HIVEP3: variants seen among roughly 807,000 people sequenced by gnomAD.
HIVEP3 encodes the protein HIVEP zinc finger 3.
HIVEP3 carries 49 observed loss-of-function variants against 152.8 expected under a neutral mutation model. The observed-to-expected ratio is 0.32, with a 90% CI of 0.26 to 0.41. The LOEUF (loss-of-function observed/expected upper bound fraction) is 0.41, where lower values mean the gene tolerates loss of function less well. Among genes scored for constraint, HIVEP3 ranks in the 10% least tolerant of loss-of-function variants. The pLI is 1.00. For missense variants in HIVEP3, 2,790 were observed against 3,103.3 expected, an observed-to-expected ratio of 0.90 and a Z score of 2.40; for synonymous variants, 1,269 against 1,289.0, an observed-to-expected ratio of 0.98 and a Z score of 0.33.
chr1:41,816,826 T>A (rs1018265291), intron 1 of HIVEP3, among the ~76,000 whole-genome samples: 1 of 152,230 alleles, frequency 6.6e-6, no homozygotes, highest in African/African-American at 2.4e-5. Context: ...AACACACCAC[T>A]TGCTTCATCT....
intron 1 of HIVEP3, among the ~76,000 whole-genome samples, chr1:41,897,114 T>C (rs962441132): frequency 2.6e-5 from 4 of 151,378 alleles, no homozygotes; most frequent in African/African-American, 9.7e-5. Flanking sequence ...GGGAGAGAGA[T>C]TGGGATCAAC....
intron 1 of HIVEP3, among the ~76,000 whole-genome samples, chr1:42,014,360 C>A (rs1295741589): frequency 6.6e-6 from 1 of 151,846 alleles, no homozygotes; most frequent in Non-Finnish European, 1.5e-5. Flanking sequence ...TCACGCGGCT[C>A]CAGCACACAG....
chr1:41,787,229 G>A (rs76740169), intron 1 of HIVEP3, among the ~76,000 whole-genome samples: 8,082 of 152,208 alleles, frequency 0.053, 282 homozygotes, highest in Middle Eastern at 0.1. Flanking sequence ...GCACTACGCC[G>A]CAACAGTATC....
chr1:41,551,324 G>A (rs574876928), intron 5 of HIVEP3, among the ~76,000 whole-genome samples: 36 of 111,286 alleles, frequency 3.2e-4, no homozygotes, highest in African/African-American at 1.1e-3. Context: ...CAGGGATATT[G>A]GTCTAAAATT....
chr1:41,722,481 C>G (rs537679907), intron 1 of HIVEP3, among the ~76,000 whole-genome samples: 1 of 144,376 alleles, frequency 6.9e-6, no homozygotes, highest in South Asian at 2.3e-4. Context: ...TTCCCTCTCC[C>G]CTCCCTCTCC....
chr1:41,894,767 G>A (rs1363214930), intron 1 of HIVEP3, among the ~76,000 whole-genome samples: 2 of 152,192 alleles, frequency 1.3e-5, no homozygotes, highest in Non-Finnish European at 1.5e-5. Flanking sequence ...GCTCTCTGCT[G>A]TAACCCAGCA....
chr1:41,621,353 G>A (rs980462644), intron 3 of HIVEP3, among the ~76,000 whole-genome samples: 1 of 152,210 alleles, frequency 6.6e-6, no homozygotes, highest in Non-Finnish European at 1.5e-5. Context: ...ACAGGATAAA[G>A]TCTAAGCTTC....
At chr1:41,928,844 T>G (rs1402980303) in intron 1 of HIVEP3, among the ~76,000 whole-genome samples, 2 of 152,140 alleles carry the variant, frequency 1.3e-5, no homozygotes, top group Non-Finnish European at 2.9e-5. Context: ...AAGGGAGACA[T>G]GCTGTTAATA....
intron 2 of HIVEP3, among the ~76,000 whole-genome samples, chr1:41,682,186 G>A (rs1301437122): frequency 6.6e-6 from 1 of 152,112 alleles, no homozygotes; most frequent in Non-Finnish European, 1.5e-5. Flanking sequence ...CACACTCAGT[G>A]GCTTGCATGC....
At chr1:41,846,303 G>T (rs1643442486) in intron 1 of HIVEP3, among the ~76,000 whole-genome samples, 1 of 152,194 alleles carries the variant, frequency 6.6e-6, no homozygotes, top group African/African-American at 2.4e-5. Flanking sequence ...TTTCCATTGT[G>T]CAGAAGGATA....
rs1371460385 is a variant in HIVEP3, at chr1:41,852,505, T to C, written c.-801+65908A>G. Among the ~76,000 whole-genome samples, 4 of 152,180 alleles carry C rather than the reference T, an allele frequency of 2.6e-5. No homozygotes were observed. The South Asian group carries it at 6.2e-4, about 24-fold the overall frequency. On this transcript the variant is annotated intron_variant, in intron 1 of 8. Transcript: ENST00000372583. ...TCCCTCTTATGACCAGGCCCTGGCT[T>C]CTTCATGTCCTTAGGGTGGGTTCTA...
At chr1:42,005,377 A>G (rs1232413643) in intron 1 of HIVEP3, among the ~76,000 whole-genome samples, 1 of 152,322 alleles carries the variant, frequency 6.6e-6, no homozygotes. Context: ...ATATACATAT[A>G]TATGACACAC....
At chr1:41,778,886 C>A (rs1250876569) in intron 1 of HIVEP3, among the ~76,000 whole-genome samples, 1 of 152,058 alleles carries the variant, frequency 6.6e-6, no homozygotes, top group Non-Finnish European at 1.5e-5. Flanking sequence ...GATATCTGGG[C>A]AGAGATAGGA....
intron 3 of HIVEP3, among the ~76,000 whole-genome samples, chr1:41,605,020 G>A (rs1173332903): frequency 1.3e-5 from 2 of 150,914 alleles, no homozygotes; most frequent in African/African-American, 4.9e-5. Context: ...TGGGAGGATC[G>A]CTTGATCCCA....
intron 1 of HIVEP3, among the ~76,000 whole-genome samples, chr1:42,009,402 C>A (rs1388417580): frequency 1.3e-5 from 2 of 152,178 alleles, no homozygotes; most frequent in African/African-American, 4.8e-5. Context: ...AATGTATTTC[C>A]TTCCTAGTGG....
At chr1:41,833,493 G>C (rs1643025652) in intron 1 of HIVEP3, among the ~76,000 whole-genome samples, 1 of 152,174 alleles carries the variant, frequency 6.6e-6, no homozygotes, top group African/African-American at 2.4e-5. Flanking sequence ...TGCTCAGAAA[G>C]GCTAAGGAAT....
chr1:41,567,280 A>G (rs1461564378), intron 5 of HIVEP3, among the ~76,000 whole-genome samples: 1 of 152,204 alleles, frequency 6.6e-6, no homozygotes, highest in Non-Finnish European at 1.5e-5. Flanking sequence ...CTTCACTGCC[A>G]TGTTCCTGGT....
intron 1 of HIVEP3, among the ~76,000 whole-genome samples, chr1:42,010,126 C>T (rs1250371481): frequency 6.6e-6 from 1 of 152,138 alleles, no homozygotes; most frequent in Non-Finnish European, 1.5e-5. Flanking sequence ...AACTCCTGGC[C>T]TCAAGCAGTC....
At chr1:41,521,951 C>T (rs947118226) in intron 6 of HIVEP3, among the ~76,000 whole-genome samples, 2 of 152,258 alleles carry the variant, frequency 1.3e-5, no homozygotes, top group African/African-American at 2.4e-5. Flanking sequence ...ACCCACAGGC[C>T]TCCCCAGCCC....
Sources: allele counts gnomAD v4.1 joint callset (sites outside exome capture counted in the v4.1 genomes callset), GRCh38; gene constraint gnomAD v4.1.1; transcripts MANE v1.5; gene names NCBI Gene and HGNC (gene_info 2026-07-23, HGNC 2026-07-21).